The following GRIK2 variants were observed in gnomAD, a reference collection of about 807,000 sequenced individuals.
The protein encoded by GRIK2 is glutamate ionotropic receptor kainate type subunit 2, also known as glutamate receptor ionotropic, kainate 2.
A neutral mutation model predicts 100.3 loss-of-function variants in GRIK2; 32 were observed. The observed-to-expected ratio is 0.32, with a 90% confidence interval of 0.24 to 0.43. The LOEUF (loss-of-function observed/expected upper bound fraction) is 0.43, where lower values mean the gene tolerates loss of function less well. Ranked by LOEUF, GRIK2 falls within the 20% of genes least tolerant of loss-of-function variation. GRIK2 has a pLI of 1.00. For synonymous variants in GRIK2, 417 were observed against 389.4 expected (o/e 1.07, Z -0.83); for missense variants, 843 against 1,114.9 (o/e 0.76, Z 3.47).
intron 7 of GRIK2, among the ~76,000 whole-genome samples, chr6:101,795,376 G>T (rs1020254170): frequency 6.6e-6 from 1 of 152,088 alleles, no homozygotes; most frequent in Non-Finnish European, 1.5e-5. Context: ...AATTTTACTG[G>T]GTGTAGGAGT....
intron 1 of GRIK2, among the ~76,000 whole-genome samples, chr6:101,396,724 G>A (rs1472295661): frequency 1.3e-5 from 2 of 152,136 alleles, no homozygotes; most frequent in East Asian, 3.9e-4. Context: ...TACTACTCCA[G>A]AATAATGAAT....
At chr6:101,833,121 G>A (rs377224786) in intron 10 of GRIK2, among the ~76,000 whole-genome samples, 3 of 152,018 alleles carry the variant, frequency 2.0e-5, no homozygotes, top group East Asian at 1.9e-4. Context: ...GTCAATTTAT[G>A]GAAATGCTCC....
intron 14 of GRIK2, among the ~76,000 whole-genome samples, chr6:101,945,910 G>GTTTTTTTTTTTTTTTTTTTTT: frequency 7.6e-6 from 1 of 131,432 alleles, no homozygotes; most frequent in Non-Finnish European, 1.7e-5. Context: ...TCTATCTACT[G>GTTTTTTTTTTTTTTTTTTTTT]TTTTTTTTTT....
chr6:101,531,520 C>A (rs970696262), intron 2 of GRIK2, among the ~76,000 whole-genome samples: 2 of 151,862 alleles, frequency 1.3e-5, no homozygotes, highest in Non-Finnish European at 2.9e-5. Flanking sequence ...TGTATAATTA[C>A]AATAGAACCT....
chr6:101,549,007 G>T (rs1443473206), intron 2 of GRIK2, among the ~76,000 whole-genome samples: 2 of 152,064 alleles, frequency 1.3e-5, no homozygotes, highest in Non-Finnish European at 2.9e-5. Flanking sequence ...AGTGTATGAT[G>T]CTATGTTTAT....
intron 2 of GRIK2, among the ~76,000 whole-genome samples, chr6:101,611,326 C>T (rs992803270): frequency 9.9e-5 from 15 of 151,842 alleles, no homozygotes; most frequent in South Asian, 4.2e-4. Context: ...TCAGCAACTT[C>T]TTTTTTTCAA....
At chr6:101,417,391 T>C (rs183186773) in intron 2 of GRIK2, among the ~76,000 whole-genome samples, 49 of 152,282 alleles carry the variant, frequency 3.2e-4, no homozygotes, top group Non-Finnish European at 4.6e-4. Context: ...ATTCCCATCT[T>C]CTAATGGAGC....
intron 7 of GRIK2, among the ~76,000 whole-genome samples, chr6:101,696,152 G>A (rs535767646): frequency 6.6e-6 from 1 of 151,880 alleles, no homozygotes; most frequent in African/African-American, 2.4e-5. Flanking sequence ...CAATATGTCT[G>A]TAAGAAATTT....
chr6:101,586,892 C>CAAAAAAAAAA (rs1199378638), intron 2 of GRIK2, among the ~76,000 whole-genome samples: 12 of 53,936 alleles, frequency 2.2e-4, no homozygotes, highest in East Asian at 7.9e-4. Flanking sequence ...TCTGTCTTAA[C>CAAAAAAAAAA]AAAAAAAAAA....
intron 14 of GRIK2, among the ~76,000 whole-genome samples, chr6:101,989,382 T>A (rs1794230840): frequency 6.6e-6 from 1 of 151,774 alleles, no homozygotes; most frequent in East Asian, 1.9e-4. Flanking sequence ...ATTTATTAAT[T>A]AAGTTAGAGT....
chr6:101,591,981 T>A (rs1778665757), intron 2 of GRIK2, among the ~76,000 whole-genome samples: 1 of 151,992 alleles, frequency 6.6e-6, no homozygotes, highest in Non-Finnish European at 1.5e-5. Context: ...TGGCTTAGTG[T>A]CATCTCCTTG....
chr6:101,862,417 A>G (rs981912378), intron 11 of GRIK2, among the ~76,000 whole-genome samples: 1 of 151,976 alleles, frequency 6.6e-6, no homozygotes, highest in African/African-American at 2.4e-5. Flanking sequence ...TCTCAAATAC[A>G]TTTTATTCTC....
intron 16 of GRIK2, among the ~76,000 whole-genome samples, chr6:102,067,169 CGT>C (rs1772058798): frequency 6.6e-6 from 1 of 151,398 alleles, no homozygotes; most frequent in African/African-American, 2.4e-5. Context: ...TCATATATAA[CGT>C]GTTTTGATGT....
chr6:101,963,278 A>ATTTTTT lies in GRIK2; in HGVS notation c.2085+34678_2085+34683dup, dbSNP rs3029099. 1.4e-4 allele frequency among the ~76,000 whole-genome samples: 4 copies of ATTTTTT among 27,844 alleles called. 2 individuals are homozygous for ATTTTTT. Among genetic ancestry groups the ATTTTTT allele is most frequent in the Non-Finnish European group, 2.9e-4 (4 of 14,018 alleles). The allele number at this position is 27,844 out of a possible 152,430, so 18.3% of individuals were successfully genotyped here. ...TATTTCATATTTATACTTATTTAGG[A>ATTTTTT]TTTTTTTTTTTTTTTTTTTTTTTTT... On this transcript the variant is annotated intron_variant, in intron 14 of 16. Coordinates refer to ENST00000369134, the MANE Select transcript of GRIK2 (RefSeq NM_021956.5).
At chr6:101,977,975 A>G (rs1190125595) in intron 14 of GRIK2, among the ~76,000 whole-genome samples, 10 of 152,012 alleles carry the variant, frequency 6.6e-5, no homozygotes, top group Admixed American at 5.3e-4. Context: ...GCAGCAATCC[A>G]TATGCTTACT....
At chr6:101,971,929 G>A (rs1484384018) in intron 14 of GRIK2, among the ~76,000 whole-genome samples, 1 of 151,804 alleles carries the variant, frequency 6.6e-6, no homozygotes, top group African/African-American at 2.4e-5. Context: ...ACATGATTTT[G>A]TTCTTTTTTT....
Position 102,013,338 on chromosome 6 carries a change from G to A in GRIK2, c.2086-22003G>A, listed in dbSNP as rs188593479. Among the ~76,000 whole-genome samples, 1,072 of 152,244 alleles carry A rather than the reference G, an allele frequency of 7.0e-3. 7 individuals are homozygous for A. The highest frequency in any genetic ancestry group is 0.017 in the Middle Eastern group (5 of 294). ...CCAACTTATTGAGCTTTTGGGCTGA[G>A]AATGCAGAGCTTTCTAGATATAGAA... On this transcript the variant is annotated intron_variant, in intron 14 of 16. Coordinates refer to ENST00000369134, the MANE Select transcript of GRIK2 (RefSeq NM_021956.5).
At chr6:101,835,931 T>A (rs1783058638) in intron 10 of GRIK2, among the ~76,000 whole-genome samples, 1 of 126,208 alleles carries the variant, frequency 7.9e-6, no homozygotes, top group South Asian at 2.6e-4. Context: ...ATTTCCTGGA[T>A]CTTATTCTTG....
intron 2 of GRIK2, among the ~76,000 whole-genome samples, chr6:101,567,321 T>A (rs1368798613): frequency 1.3e-5 from 2 of 152,080 alleles, no homozygotes; most frequent in African/African-American, 4.8e-5. Context: ...AATCATTTTA[T>A]ATCTCAAAAA....
Sources: allele counts gnomAD v4.1 joint callset (sites outside exome capture counted in the v4.1 genomes callset), GRCh38; gene constraint gnomAD v4.1.1; transcripts MANE v1.5; gene names NCBI Gene and HGNC (gene_info 2026-07-23, HGNC 2026-07-21).